Variants in TRPM3 observed in about 807,000 individuals in gnomAD.
TRPM3 encodes the protein long transient receptor potential channel 3.
Under a neutral mutation model 181.2 loss-of-function variants are expected in TRPM3, and 77 were observed. The observed-to-expected ratio is 0.42, with a 90% CI of 0.35 to 0.51. The LOEUF (loss-of-function observed/expected upper bound fraction) is 0.51. TRPM3 is among the 20% of genes least tolerant of loss of function. The pLI is 0.01. For missense variants in TRPM3, 1,759 were observed against 2,196.7 expected (o/e 0.80, Z 3.98); for synonymous variants, 745 against 796.4 (o/e 0.94, Z 1.09).
intron 1 of TRPM3, among the ~76,000 whole-genome samples, chr9:70,945,398 G>A (rs1199667975): frequency 6.6e-6 from 1 of 152,152 alleles, no homozygotes; most frequent in Non-Finnish European, 1.5e-5. Flanking sequence ...TTATATATTT[G>A]TCAAATAAAT....
rs755250325 is a variant in TRPM3, at chr9:70,591,090, T to C, written c.3164A>G (p.Asn1055Ser). 7 of 1,614,180 alleles carry C rather than the reference T, an allele frequency of 4.3e-6. No homozygotes were observed. ...CATCCAATAGGGCATGTAGAAGATG[T>C]TCTTGGCCAGTTTCCATGATGGCTC... ...NEEPSWKLAK[N>S]IFYMPYWMIY... is the part of the protein sequence containing the mutation. Residue 1055 changes from asparagine to serine, a missense_variant, in exon 22 of 26, where the codon AAC (asparagine) becomes AGC (serine). Around this residue, in one of 8 missense-constraint regions of TRPM3, gnomAD observed 94 missense variants for 221.3 expected, o/e 0.42. Coordinates refer to ENST00000677713, the MANE Select transcript of TRPM3 (RefSeq NM_001366145.2).
At chr9:71,414,662 A>G (rs995989214) in intron 1 of TRPM3, among the ~76,000 whole-genome samples, 2 of 151,840 alleles carry the variant, frequency 1.3e-5, no homozygotes, top group African/African-American at 2.4e-5. Flanking sequence ...TAAAATACAC[A>G]TAGATCTTGT....
rs1046517321 is a variant in TRPM3 at position 71,438,805 on chromosome 9, G to A, written c.183+7848C>T. On this transcript the variant is annotated intron_variant, in intron 1 of 24. Transcript: ENST00000357533. ...GAAAATAGGGATATAGATGAAGCAA[G>A]ATTGATTTGTCATGATTTGATCATT... Among the ~76,000 whole-genome samples the A allele has an allele frequency of 3.3e-5, 5 of 152,176 alleles. 1 individual carries two copies. The South Asian group carries it at 8.3e-4, about 25-fold the overall frequency.
intron 1 of TRPM3, among the ~76,000 whole-genome samples, chr9:71,409,306 A>T (rs948538945): frequency 1.2e-4 from 19 of 152,242 alleles, no homozygotes; most frequent in African/African-American, 4.3e-4. Flanking sequence ...TAAAAGACAC[A>T]GACTGGCAAA....
intron 1 of TRPM3, among the ~76,000 whole-genome samples, chr9:71,032,101 T>TTA (rs1220051530): frequency 7.4e-5 from 7 of 94,030 alleles, no homozygotes; most frequent in South Asian, 5.6e-4. Context: ...TTATATAATA[T>TTA]TATATATATT....
intron 1 of TRPM3, among the ~76,000 whole-genome samples, chr9:71,147,865 A>G (rs2075512876): frequency 6.6e-6 from 1 of 152,160 alleles, no homozygotes; most frequent in African/African-American, 2.4e-5. Flanking sequence ...AGGGGTTCTA[A>G]TTATGTGGCA....
intron 1 of TRPM3, among the ~76,000 whole-genome samples, chr9:71,394,961 G>A (rs2093155477): frequency 6.6e-6 from 1 of 152,222 alleles, no homozygotes. Flanking sequence ...ATCCAAGTGA[G>A]TGCTTTGGAC....
chr9:70,992,986 C>G (rs763165938), intron 1 of TRPM3, among the ~76,000 whole-genome samples: 2 of 152,014 alleles, frequency 1.3e-5, no homozygotes, highest in African/African-American at 4.8e-5. Context: ...GCAGAGAGAA[C>G]AGAAACAAGT....
At chr9:70,617,214 C>A (rs909793771) in intron 17 of TRPM3, among the ~76,000 whole-genome samples, 7 of 152,154 alleles carry the variant, frequency 4.6e-5, no homozygotes, top group Non-Finnish European at 8.8e-5. Flanking sequence ...GACATGACAC[C>A]CTGTCCTCGG....
intron 1 of TRPM3, among the ~76,000 whole-genome samples, chr9:71,424,433 T>C (rs2093828013): frequency 6.6e-6 from 1 of 152,086 alleles, no homozygotes; most frequent in African/African-American, 2.4e-5. Flanking sequence ...TCTATGCATA[T>C]AAATGAGACA....
At chr9:70,786,853 G>T (rs1410685885) in intron 6 of TRPM3, among the ~76,000 whole-genome samples, 1 of 152,016 alleles carries the variant, frequency 6.6e-6, no homozygotes, top group African/African-American at 2.4e-5. Context: ...AGACATCCTA[G>T]AATTTGCCAA....
At position 71,414,384 on chromosome 9, in the gene TRPM3, A is replaced by T. The variant is rs557555491; in HGVS notation, c.183+32269T>A. On this transcript the variant is annotated intron_variant, in intron 1 of 24. Coordinates refer to the TRPM3 transcript ENST00000357533. ...CAGACTTTATATCACCACTCTCTTAAGAGCTTATTCATTGATTACCTTTTT... is the reference window on the plus strand; with the variant it reads ...CAGACTTTATATCACCACTCTCTTATGAGCTTATTCATTGATTACCTTTTT... Among the ~76,000 whole-genome samples, 13 of 152,250 alleles carry T rather than the reference A, an allele frequency of 8.5e-5. No individual in the cohort carries two copies. The East Asian group carries it at 2.3e-3, about 27-fold the overall frequency.
chr9:71,083,965 C>T (rs976140311), intron 1 of TRPM3, among the ~76,000 whole-genome samples: 6 of 151,730 alleles, frequency 4.0e-5, no homozygotes, highest in South Asian at 2.1e-4. Flanking sequence ...ATAGGGCATC[C>T]GAACATACTT....
intron 8 of TRPM3, among the ~76,000 whole-genome samples, chr9:70,692,241 C>T (rs2068821475): frequency 6.6e-6 from 1 of 152,004 alleles, no homozygotes; most frequent in African/African-American, 2.4e-5. Context: ...GTATTTTGTC[C>T]AATAGATGTG....
chr9:71,127,734 G>A (rs2074132152), intron 1 of TRPM3, among the ~76,000 whole-genome samples: 1 of 152,194 alleles, frequency 6.6e-6, no homozygotes, highest in African/African-American at 2.4e-5. Flanking sequence ...CACTGGCAGT[G>A]TATGTAGCAT....
intron 1 of TRPM3, among the ~76,000 whole-genome samples, chr9:70,901,234 A>G (rs1377297094): frequency 2.0e-5 from 3 of 152,240 alleles, no homozygotes; most frequent in Non-Finnish European, 2.9e-5. Context: ...AATCAGAGCC[A>G]AAGGAAACAC....
At chr9:71,295,928 A>C (rs1472143412) in intron 1 of TRPM3, among the ~76,000 whole-genome samples, 1 of 151,866 alleles carries the variant, frequency 6.6e-6, no homozygotes, top group African/African-American at 2.4e-5. Flanking sequence ...CTCTTCCTGG[A>C]CCAAAGGCAT....
chr9:70,792,929 A>T (rs894322478), intron 6 of TRPM3, among the ~76,000 whole-genome samples: 1 of 152,220 alleles, frequency 6.6e-6, no homozygotes, highest in African/African-American at 2.4e-5. Flanking sequence ...TTCAAAATAC[A>T]ACTGAATATA....
chr9:71,401,829 A>G (rs1352028807), intron 1 of TRPM3, among the ~76,000 whole-genome samples: 1 of 152,226 alleles, frequency 6.6e-6, no homozygotes, highest in East Asian at 1.9e-4. Context: ...AAATAAAGCT[A>G]TGCTCAGATT....
Sources: allele counts gnomAD v4.1 joint callset (sites outside exome capture counted in the v4.1 genomes callset), GRCh38; gene constraint gnomAD v4.1.1; regional missense constraint gnomAD v4.1.1; transcripts MANE v1.5; gene names NCBI Gene and HGNC (gene_info 2026-07-23, HGNC 2026-07-21).